Variants in CACHD1 observed in about 807,000 individuals in gnomAD.
CACHD1 encodes the protein VWFA and cache domain-containing protein 1.
CACHD1 carries 71 observed loss-of-function variants against 138.7 expected under a neutral mutation model. The ratio of observed to expected loss-of-function variants is 0.51; its 90% CI spans 0.42 to 0.62. The LOEUF is 0.62. Among genes scored for constraint, CACHD1 ranks in the 20% least tolerant of loss-of-function variants. The pLI, the probability that CACHD1 is intolerant of heterozygous loss-of-function variation, is 0.00. For missense variants in CACHD1, 1,389 were observed against 1,625.3 expected (o/e 0.85, Z 2.50); for synonymous variants, 578 against 591.5 (o/e 0.98, Z 0.33).
At position 64,652,287 on chromosome 1, in the gene CACHD1, A is replaced by G; in HGVS notation, c.1517A>G (p.Tyr506Cys). Reference sequence around the variant, plus strand: ...TATTACCAAGACTCTTTGGCTTCCTATACTTTTCTCATAGACGACAAAGGT... The same window carrying G: ...TATTACCAAGACTCTTTGGCTTCCTGTACTTTTCTCATAGACGACAAAGGT... ...VTYYQDSLAS[Y>C]TFLIDDKGYT... The change falls in exon 10 of 27, where the codon TAT becomes TGT. Residue 506 changes from tyrosine (Y) to cysteine (C), a missense_variant. This residue lies in a region of CACHD1 where 1,000 missense variants were observed against 1,114.7 expected (regional missense o/e 0.90). Coordinates refer to ENST00000651257, the MANE Select transcript of CACHD1 (RefSeq NM_020925.4). 1 of 1,610,002 alleles carries G rather than the reference A, an allele frequency of 6.2e-7. No individual in the cohort carries two copies. The highest frequency in any genetic ancestry group is 8.5e-7 in the Non-Finnish European group (1 of 1,178,922).
chr1:64,634,659 A>G (rs191872047), intron 7 of CACHD1, among the ~76,000 whole-genome samples: 16 of 152,236 alleles, frequency 1.1e-4, no homozygotes, highest in Admixed American at 5.2e-4. Context: ...TACTGGAATT[A>G]CAAGCATGAG....
intron 2 of CACHD1, among the ~76,000 whole-genome samples, chr1:64,578,777 C>T (rs1218757867): frequency 1.3e-5 from 2 of 152,336 alleles, no homozygotes; most frequent in South Asian, 2.1e-4. Context: ...GCGTAGCTGA[C>T]AGCTACCAAG....
intron 11 of CACHD1, 138 bp downstream of exon 11, chr1:64,654,019 T>C: frequency 1.3e-6 from 1 of 765,718 alleles, no homozygotes; most frequent in East Asian, 2.9e-5. Flanking sequence ...CTCAGTAATG[T>C]TTCCGTAAGA....
chr1:64,664,084 A>G, intron 14 of CACHD1: 1 of 529,884 alleles, frequency 1.9e-6, no homozygotes, highest in Non-Finnish European at 3.3e-6. Flanking sequence ...CAGTGATGTT[A>G]GAGGGATGTG....
chr1:64,647,455 T>C (rs1021492668), intron 8 of CACHD1, among the ~76,000 whole-genome samples: 1 of 152,214 alleles, frequency 6.6e-6, no homozygotes, highest in African/African-American at 2.4e-5. Context: ...GATTATTACT[T>C]TTGCTTTTAA....
At position 64,691,707 on chromosome 1, in the gene CACHD1, G is replaced by A. The variant is rs200126232; in HGVS notation, c.*146G>A. 1.2e-4 allele frequency: 81 copies of A among 665,042 alleles called. 1 individual carries two copies. In the East Asian group the frequency reaches 1.7e-3, roughly 14 times the overall value. 41.2% of individuals were successfully genotyped at this position (665,042 alleles called of 1,614,324 possible). On this transcript the variant is annotated 3_prime_UTR_variant, in exon 27 of 27. Coordinates refer to ENST00000651257, the MANE Select transcript of CACHD1 (RefSeq NM_020925.4). ...TTGTTTGAGTCATTTCCTGCCTGTC[G>A]ACATGGTTAAAAACGAGAGAAACAA...
At chr1:64,590,382 C>G (rs1221545157) in intron 3 of CACHD1, among the ~76,000 whole-genome samples, 1 of 150,450 alleles carries the variant, frequency 6.6e-6, no homozygotes, top group Non-Finnish European at 1.5e-5. Flanking sequence ...GGAAAGGAAT[C>G]TCAGCATTTG....
At chr1:64,514,060 G>C (rs1222592855) in intron 1 of CACHD1, among the ~76,000 whole-genome samples, 3 of 152,140 alleles carry the variant, frequency 2.0e-5, no homozygotes, top group Non-Finnish European at 2.9e-5. Flanking sequence ...AGTTAAATTG[G>C]TATGTTCCTT....
At chr1:64,488,205 A>C (rs1646254341) in intron 1 of CACHD1, among the ~76,000 whole-genome samples, 3 of 152,332 alleles carry the variant, frequency 2.0e-5, no homozygotes, top group South Asian at 4.1e-4. Flanking sequence ...TCTAGTTCCC[A>C]AAAAATTAAA....
intron 1 of CACHD1, among the ~76,000 whole-genome samples, chr1:64,477,629 A>ATTTATTTATTTATTTTTTTTTTAATT (rs1553125591): frequency 7.8e-5 from 9 of 114,846 alleles, no homozygotes; most frequent in African/African-American, 2.6e-4. Context: ...TTATTATTTT[A>ATTTATTTATTTATTTTTTTTTTAATT]TTTTATTTTT....
At chr1:64,596,468 G>A (rs947998066) in intron 3 of CACHD1, among the ~76,000 whole-genome samples, 2 of 152,186 alleles carry the variant, frequency 1.3e-5, no homozygotes, top group African/African-American at 4.8e-5. Context: ...GGGCTTAGTA[G>A]GCCTGAGTGT....
intron 1 of CACHD1, among the ~76,000 whole-genome samples, chr1:64,477,586 T>G (rs1235656987): frequency 5.8e-5 from 2 of 34,280 alleles, no homozygotes; most frequent in Non-Finnish European, 1.5e-4. Context: ...TCCCCCCAGA[T>G]TATTATTATT....
Position 64,653,817 on chromosome 1 carries a change from C to G in CACHD1, c.1600C>G (p.His534Asp). The G allele has an allele frequency of 6.2e-7, 1 of 1,612,328 alleles. No individual in the cohort carries two copies. The highest frequency in any genetic ancestry group is 8.5e-7 in the Non-Finnish European group (1 of 1,178,450). Residue 534 changes from histidine to aspartate, a missense_variant, in exon 11 of 27, where the codon CAT becomes GAT. Transcript: ENST00000651257. Reference protein sequence around the residue: ...RPYLLSEPPLHTDIIHYENIP... With the variant: ...RPYLLSEPPLDTDIIHYENIP... ...ATATTTATTGTCAGAGCCCCCACTT[C>G]ATACTGACATCATACATTATGAAAA... is the stretch of plus-strand genomic sequence containing the variant.
chr1:64,643,036 T>TAAAAAAAAA lies in CACHD1; in HGVS notation c.1156+1094_1156+1102dup, dbSNP rs139320316. 3.3e-4 allele frequency among the ~76,000 whole-genome samples: 11 copies of TAAAAAAAAA among 33,350 alleles called. 2 individuals are homozygous for TAAAAAAAAA. Among genetic ancestry groups the TAAAAAAAAA allele is most frequent in the African/African-American group, 5.6e-4 (7 of 12,396 alleles). The allele number at this position is 33,350 out of a possible 152,430, so 21.9% of individuals were successfully genotyped here. On this transcript the variant is annotated intron_variant, in intron 8 of 26. Transcript: ENST00000651257. Reference sequence around the variant, plus strand: ...CCTGGTGACAGAGCAAGACTCTGTCTAAAAAAAAAAAAAAAAAAAAAAAAA... The same window carrying TAAAAAAAAA: ...CCTGGTGACAGAGCAAGACTCTGTCTAAAAAAAAAAAAAAAAAAAAAAAAAAAAAAAAAA...
intron 7 of CACHD1, among the ~76,000 whole-genome samples, chr1:64,636,096 C>T (rs938852615): frequency 7.0e-5 from 10 of 142,222 alleles, no homozygotes; most frequent in South Asian, 4.8e-4. Flanking sequence ...GGTGACGGAG[C>T]GAGACTCAGT....
chr1:64,660,175 T>A (rs968771363), intron 13 of CACHD1, among the ~76,000 whole-genome samples: 1 of 152,214 alleles, frequency 6.6e-6, no homozygotes, highest in African/African-American at 2.4e-5. Flanking sequence ...GAAGCCTCTT[T>A]TAAGTTCTGT....
chr1:64,573,033 C>T (rs1490844712), intron 2 of CACHD1, among the ~76,000 whole-genome samples: 1 of 152,222 alleles, frequency 6.6e-6, no homozygotes, highest in Non-Finnish European at 1.5e-5. Flanking sequence ...CATATCATGA[C>T]AGCGGCCAGT....
intron 2 of CACHD1, among the ~76,000 whole-genome samples, chr1:64,552,013 G>T (rs1012112340): frequency 9.2e-5 from 14 of 152,186 alleles, no homozygotes; most frequent in Admixed American, 3.9e-4. Context: ...AACGAAGCAT[G>T]TTCAAGGAAA....
chr1:64,535,175 G>A (rs1315430100), intron 1 of CACHD1, among the ~76,000 whole-genome samples: 1 of 152,124 alleles, frequency 6.6e-6, no homozygotes, highest in African/African-American at 2.4e-5. Context: ...TAAAGATTGG[G>A]AATATGTCCC....
Sources: gnomAD v4.1 joint callset for allele counts (sites outside exome capture counted in the v4.1 genomes callset) on GRCh38, gnomAD v4.1.1 for gene constraint, gnomAD v4.1.1 regional missense constraint, MANE v1.5 for transcripts, NCBI Gene and HGNC (gene_info 2026-07-23, HGNC 2026-07-21) for gene names.